The following PCDHGA6 variants were observed in gnomAD, a reference collection of about 807,000 sequenced individuals.
PCDHGA6 encodes protocadherin gamma subfamily A, 6.
Under a neutral mutation model 60.6 loss-of-function variants are expected in PCDHGA6, and 41 were observed. The observed-to-expected ratio is 0.68, with a 90% confidence interval of 0.53 to 0.88. The LOEUF (loss-of-function observed/expected upper bound fraction) is 0.88, where lower values mean the gene tolerates loss of function less well. Ranked by LOEUF, PCDHGA6 falls within the 40% of genes least tolerant of loss-of-function variation. The probability of loss-of-function intolerance (pLI) is 0.00; values close to 1 mark genes in which losing one functional copy is unlikely to be tolerated. For synonymous variants in PCDHGA6, 594 were observed against 524.4 expected (o/e 1.13, Z -1.81); for missense variants, 1,312 against 1,203.0 (o/e 1.09, Z -1.34).
chr5:141,436,167 G>A (rs933669166), intron 1 of PCDHGA6, among the ~76,000 whole-genome samples: 2 of 152,088 alleles, frequency 1.3e-5, no homozygotes, highest in Non-Finnish European at 2.9e-5. Flanking sequence ...CATATGGACA[G>A]TTCTCATATA....
At chr5:141,428,245 C>A in intron 1 of PCDHGA6, 1 of 948,140 alleles carries the variant, frequency 1.1e-6, no homozygotes, top group South Asian at 1.4e-5. Flanking sequence ...GGAGGCACTG[C>A]CAGACTTCAG....
At chr5:141,393,276 C>T (rs773579763) in intron 1 of PCDHGA6, 1 of 1,613,968 alleles carries the variant, frequency 6.2e-7, no homozygotes, top group African/African-American at 1.3e-5. Context: ...TTATCCACTC[C>T]CAGAAGCTGT....
intron 1 of PCDHGA6, chr5:141,414,478 C>T (rs977591382): frequency 5.6e-6 from 9 of 1,613,884 alleles, no homozygotes; most frequent in Non-Finnish European, 3.4e-6. Flanking sequence ...GGGAAGTCCT[C>T]CTCTATCAAC....
intron 1 of PCDHGA6, chr5:141,384,799 G>A: frequency 1.2e-6 from 2 of 1,613,476 alleles, no homozygotes; most frequent in South Asian, 1.1e-5. Context: ...GGCCCTGCTG[G>A]ACAGAGATGC....
chr5:141,382,186 T>G (rs896758285), intron 1 of PCDHGA6, among the ~76,000 whole-genome samples: 14 of 152,310 alleles, frequency 9.2e-5, no homozygotes, highest in Admixed American at 5.9e-4. Context: ...TAAGGTTCTA[T>G]ACAATCAAAA....
Position 141,375,230 on chromosome 5 carries a change from A to G in PCDHGA6, c.1147A>G (p.Thr383Ala). ...AGACTCTGGCCTGAATGGCCTGGTA[A>G]CCTGTTCCATCCCGAGAAGTCTCCC... ...DRDSGLNGLV[T>A]CSIPRSLPFE... is the part of the protein sequence containing the mutation. Residue 383 changes from threonine to alanine, a missense_variant, in exon 1 of 4, where the codon ACC becomes GCC. Coordinates refer to ENST00000517434, the MANE Select transcript of PCDHGA6 (RefSeq NM_018919.3). 2 of 1,613,988 alleles carry G rather than the reference A, an allele frequency of 1.2e-6. No individual in the cohort carries two copies. The highest frequency in any genetic ancestry group is 8.5e-7 in the Non-Finnish European group (1 of 1,179,900).
chr5:141,432,084 T>A lies in PCDHGA6; in HGVS notation c.2424+55577T>A, dbSNP rs1372151428. 1.2e-6 allele frequency: 2 copies of A among 1,614,186 alleles called. No individual in the cohort carries two copies. Among genetic ancestry groups the A allele is most frequent in the Admixed American group, 1.7e-5 (1 of 60,022 alleles). On this transcript the variant is annotated intron_variant, in intron 1 of 3. Transcript: ENST00000517434. This position sits in a 1 kb window ranked among gnomAD's most constrained non-coding sequence, Gnocchi z 6.0. Reference sequence around the variant, plus strand: ...ACGGAAACTCATATCTCGCTGAACGTGGCAGACACCAACGACAACCCGCCG... The same window carrying A: ...ACGGAAACTCATATCTCGCTGAACGAGGCAGACACCAACGACAACCCGCCG...
intron 1 of PCDHGA6, among the ~76,000 whole-genome samples, chr5:141,381,491 A>G (rs773337977): frequency 1.7e-4 from 26 of 152,224 alleles, no homozygotes; most frequent in Non-Finnish European, 7.3e-5. Flanking sequence ...TGTTTTCTCA[A>G]TTACACTAGA....
At chr5:141,413,025 A>G in intron 1 of PCDHGA6, 1 of 740,544 alleles carries the variant, frequency 1.4e-6, no homozygotes, top group Non-Finnish European at 2.1e-6. Context: ...CAAGCCCCAC[A>G]AACCGGCTGC....
At chr5:141,384,259 C>A in intron 1 of PCDHGA6, 1 of 1,613,886 alleles carries the variant, frequency 6.2e-7, no homozygotes, top group Non-Finnish European at 8.5e-7. Flanking sequence ...CACCTTCCCC[C>A]ACTCATCCTA....
intron 3 of PCDHGA6, among the ~76,000 whole-genome samples, chr5:141,510,553 A>G (rs1471878583): frequency 6.6e-6 from 1 of 152,162 alleles, no homozygotes; most frequent in Non-Finnish European, 1.5e-5. Context: ...TGTTTTGAGC[A>G]CTTACATCTA....
rs776975666 is a variant in PCDHGA6 at position 141,432,850 on chromosome 5, G to A, written c.2424+56343G>A. The A allele has an allele frequency of 6.2e-7, 1 of 1,614,170 alleles. No homozygotes were observed. The highest frequency in any genetic ancestry group is 1.1e-5 in the South Asian group (1 of 91,088). ...TCACTCTGTACCTGGTGGTAGCGGT[G>A]GCCGCGGTCTCCTGCGTCTTCCTGG... is the stretch of plus-strand genomic sequence containing the variant. On this transcript the variant is annotated intron_variant, in intron 1 of 3. Coordinates refer to ENST00000517434, the MANE Select transcript of PCDHGA6 (RefSeq NM_018919.3). The surrounding 1 kb of genome is among the most constrained non-coding windows in gnomAD (Gnocchi z 6.0).
Position 141,476,870 on chromosome 5 carries a change from C to T in PCDHGA6, c.2425-17937C>T, listed in dbSNP as rs2099400432. 3 of 1,613,772 alleles carry T rather than the reference C, an allele frequency of 1.9e-6. No individual in the cohort carries two copies. Among genetic ancestry groups the T allele is most frequent in the South Asian group, 1.1e-5 (1 of 91,094 alleles). On this transcript the variant is annotated intron_variant, in intron 1 of 3. Coordinates refer to ENST00000517434, the MANE Select transcript of PCDHGA6 (RefSeq NM_018919.3). The surrounding 1 kb of genome is among the most constrained non-coding windows in gnomAD (Gnocchi z 7.6). ...CTTCAACCAGTCCTTGTACCGGGCGCGCGTCCTGGAGGATGCACCCTCCGG... is the reference window on the plus strand; with the variant it reads ...CTTCAACCAGTCCTTGTACCGGGCGTGCGTCCTGGAGGATGCACCCTCCGG...
chr5:141,394,006 TAGGTA>T, intron 1 of PCDHGA6: 3 of 1,613,358 alleles, frequency 1.9e-6, no homozygotes, highest in Admixed American at 3.3e-5. Flanking sequence ...GAAAAGTCAA[TAGGTA>T]ATTATTATAG....
Position 141,486,087 on chromosome 5 carries a change from T to G in PCDHGA6, c.2425-8720T>G. 4 of 1,614,176 alleles carry G rather than the reference T, an allele frequency of 2.5e-6. No individual in the cohort carries two copies. The highest frequency in any genetic ancestry group is 3.4e-6 in the Non-Finnish European group (4 of 1,180,028). ...CCCACTACTGGAAAGCTTACTCTTT[T>G]GGGGCCCCTAGACTTTGAGAGTGAG... On this transcript the variant is annotated intron_variant, in intron 1 of 3. Coordinates refer to ENST00000517434, the MANE Select transcript of PCDHGA6 (RefSeq NM_018919.3). This position sits in a 1 kb window ranked among gnomAD's most constrained non-coding sequence, Gnocchi z 5.0.
At position 141,384,937 on chromosome 5, in the gene PCDHGA6, C is replaced by T. The variant is rs373048330; in HGVS notation, c.2424+8430C>T. ...CTTGGCCGACCTGGGCAGCCTTGAG[C>T]CCTCCGACGGTCCTTACAACTATGA... On this transcript the variant is annotated intron_variant, in intron 1 of 3. Coordinates refer to ENST00000517434, the MANE Select transcript of PCDHGA6 (RefSeq NM_018919.3). 4.5e-5 allele frequency: 72 copies of T among 1,613,950 alleles called. No homozygotes were observed. The highest frequency in any genetic ancestry group is 2.3e-4 in the Admixed American group (14 of 60,012).
At chr5:141,454,087 T>A (rs1251936767) in intron 1 of PCDHGA6, among the ~76,000 whole-genome samples, 4 of 152,198 alleles carry the variant, frequency 2.6e-5, no homozygotes, top group Non-Finnish European at 5.9e-5. Context: ...TCAGTGAAAT[T>A]TGAATTGAAC....
chr5:141,398,356 G>C (rs1242233046), intron 1 of PCDHGA6: 7 of 1,409,380 alleles, frequency 5.0e-6, no homozygotes, highest in East Asian at 2.4e-5. Context: ...TTACTTCACC[G>C]TGAGCGCAGA....
chr5:141,408,527 G>T lies in PCDHGA6; in HGVS notation c.2424+32020G>T, dbSNP rs1239443007. ...AAGATGTGAGTTGCAATTGGAAGCT[G>T]TGGTGGAAAATCCTTTAAATATTTT... On this transcript the variant is annotated intron_variant, in intron 1 of 3. Coordinates refer to ENST00000517434, the MANE Select transcript of PCDHGA6 (RefSeq NM_018919.3). 2.5e-6 allele frequency: 4 copies of T among 1,613,954 alleles called. No homozygotes were observed. The African/African-American group carries it at 5.3e-5, about 22-fold the overall frequency.
Sources: allele counts gnomAD v4.1 joint callset (sites outside exome capture counted in the v4.1 genomes callset), GRCh38; gene constraint gnomAD v4.1.1; non-coding constraint Gnocchi (gnomAD v3.1); transcripts MANE v1.5; gene names NCBI Gene and HGNC (gene_info 2026-07-23, HGNC 2026-07-21).